The following CA10 variants were observed in gnomAD, a reference collection of about 807,000 sequenced individuals.
CA10 encodes carbonic anhydrase 10 (inactive).
Under a neutral mutation model 44.2 loss-of-function variants are expected in CA10, and 14 were observed. The ratio of observed to expected loss-of-function variants is 0.32; its 90% CI spans 0.21 to 0.50. The LOEUF (loss-of-function observed/expected upper bound fraction) is 0.50, where lower values mean the gene tolerates loss of function less well. Among genes scored for constraint, CA10 ranks in the 20% least tolerant of loss-of-function variants. The pLI is 0.99. For synonymous variants in CA10, 159 were observed against 141.6 expected, an observed-to-expected ratio of 1.12 and a Z score of -0.87; for missense variants, 350 against 409.7, an observed-to-expected ratio of 0.85 and a Z score of 1.26.
chr17:51,957,199 G>A (rs1269592971), intron 2 of CA10, among the ~76,000 whole-genome samples: 4 of 152,072 alleles, frequency 2.6e-5, no homozygotes, highest in African/African-American at 7.2e-5. Flanking sequence ...ATTTCGTAAC[G>A]ATTTTATACA....
chr17:51,685,207 C>G (rs969173275), intron 4 of CA10, among the ~76,000 whole-genome samples: 2 of 152,096 alleles, frequency 1.3e-5, no homozygotes, highest in Non-Finnish European at 2.9e-5. Flanking sequence ...CTGCTGTGAA[C>G]GGTTTATTAT....
In CA10 at chr17:51,747,686, C is replaced by T. The variant is rs765029678; in HGVS notation, c.412G>A (p.Glu138Lys). 1.9e-6 allele frequency: 3 copies of T among 1,614,186 alleles called. No individual in the cohort carries two copies. Among genetic ancestry groups the T allele is most frequent in the African/African-American group, 1.3e-5 (1 of 75,076 alleles). ...AGGTGCTCCGACCCTTGGCTGTCCT[C>T]ACTCCCAAAGTGTAGTCGGATCTCC... ...LEEIRLHFGS[E>K]DSQGSEHLLN... Residue 138 changes from glutamate to lysine, a missense_variant, in exon 4 of 9, where the codon GAG becomes AAG. Coordinates refer to ENST00000451037, the MANE Select transcript of CA10 (RefSeq NM_020178.5).
chr17:51,656,799 TAA>T (rs1444208184), intron 4 of CA10, among the ~76,000 whole-genome samples: 1 of 152,168 alleles, frequency 6.6e-6, no homozygotes, highest in East Asian at 1.9e-4. Flanking sequence ...GGATGCACGC[TAA>T]AGTTTCAGAA....
At chr17:52,132,014 G>C (rs1989252668) in intron 1 of CA10, among the ~76,000 whole-genome samples, 1 of 151,686 alleles carries the variant, frequency 6.6e-6, no homozygotes, top group South Asian at 2.1e-4. Context: ...CTGTTGTGGG[G>C]TGGGGGAAAG....
intron 1 of CA10, among the ~76,000 whole-genome samples, chr17:52,110,524 G>T (rs1988767081): frequency 6.6e-6 from 1 of 152,182 alleles, no homozygotes; most frequent in Non-Finnish European, 1.5e-5. Context: ...ATCCTAGGTT[G>T]GGCTCTCTAG....
At chr17:52,124,861 G>A (rs1989086360) in intron 1 of CA10, among the ~76,000 whole-genome samples, 2 of 152,180 alleles carry the variant, frequency 1.3e-5, no homozygotes, top group African/African-American at 4.8e-5. Flanking sequence ...TGTTACTTCA[G>A]CAGCTTCCAC....
intron 4 of CA10, among the ~76,000 whole-genome samples, chr17:51,731,653 TAAA>T (rs371165542): frequency 2.7e-5 from 3 of 109,168 alleles, no homozygotes; most frequent in Admixed American, 1.1e-4. Flanking sequence ...AAGGGGCTGG[TAAA>T]AAAAAAAAAA....
intron 2 of CA10, among the ~76,000 whole-genome samples, chr17:52,049,676 G>A (rs948955648): frequency 2.6e-5 from 4 of 152,012 alleles, no homozygotes; most frequent in African/African-American, 9.7e-5. Context: ...TCATTTGTAT[G>A]TTGGCAGGAG....
chr17:51,932,922 C>G (rs1342702410), intron 2 of CA10, among the ~76,000 whole-genome samples: 2 of 151,910 alleles, frequency 1.3e-5, no homozygotes, highest in Non-Finnish European at 2.9e-5. Context: ...AAAAAAAACA[C>G]TGACTTGATC....
At chr17:52,071,088 C>G (rs1375895251) in intron 2 of CA10, among the ~76,000 whole-genome samples, 3 of 152,108 alleles carry the variant, frequency 2.0e-5, no homozygotes, top group Non-Finnish European at 2.9e-5. Context: ...GTATTGAATG[C>G]CATTTGTCAA....
chr17:51,965,572 G>A (rs1169045067), intron 2 of CA10, among the ~76,000 whole-genome samples: 1 of 151,894 alleles, frequency 6.6e-6, no homozygotes, highest in Non-Finnish European at 1.5e-5. Context: ...ATCAATACAT[G>A]TAATTCACCA....
At chr17:51,726,691 C>A (rs779520003) in intron 4 of CA10, among the ~76,000 whole-genome samples, 10 of 152,178 alleles carry the variant, frequency 6.6e-5, no homozygotes, top group Non-Finnish European at 1.5e-4. Flanking sequence ...TTCCCCTTAA[C>A]TATACTGGTA....
chr17:51,708,570 T>C (rs1915831620), intron 4 of CA10, among the ~76,000 whole-genome samples: 1 of 152,120 alleles, frequency 6.6e-6, no homozygotes, highest in Non-Finnish European at 1.5e-5. Flanking sequence ...TAATGTTGAG[T>C]GTCAACTTGA....
chr17:51,718,329 C>T (rs1470120192), intron 4 of CA10, among the ~76,000 whole-genome samples: 1 of 152,076 alleles, frequency 6.6e-6, no homozygotes, highest in African/African-American at 2.4e-5. Context: ...TTCAGCTCCA[C>T]CTCAACCTCC....
chr17:51,673,745 C>T (rs933659400), intron 4 of CA10, among the ~76,000 whole-genome samples: 2 of 152,220 alleles, frequency 1.3e-5, no homozygotes, highest in East Asian at 1.9e-4. Flanking sequence ...TAGGTCTAAA[C>T]ATTTCACTTC....
intron 2 of CA10, among the ~76,000 whole-genome samples, chr17:51,943,050 G>A (rs148209750): frequency 6.6e-6 from 1 of 152,110 alleles, no homozygotes; most frequent in East Asian, 1.9e-4. Context: ...AGAATGAGTG[G>A]AGAATTATTC....
chr17:51,651,744 A>G (rs1913574999), intron 5 of CA10, among the ~76,000 whole-genome samples: 1 of 152,176 alleles, frequency 6.6e-6, no homozygotes, highest in African/African-American at 2.4e-5. Flanking sequence ...AATGACAGTC[A>G]CTGACTCAAG....
At chr17:51,944,314 A>G (rs751460792) in intron 2 of CA10, among the ~76,000 whole-genome samples, 3 of 152,186 alleles carry the variant, frequency 2.0e-5, no homozygotes, top group Non-Finnish European at 4.4e-5. Context: ...ACATGGGGCC[A>G]TGAAGTTTTA....
chr17:52,156,543 G>A (rs1989807396), intron 1 of CA10, among the ~76,000 whole-genome samples: 2 of 152,186 alleles, frequency 1.3e-5, no homozygotes, highest in Non-Finnish European at 2.9e-5. Flanking sequence ...CAGAGTCCAG[G>A]GTGAGGGCAG....
Sources: allele counts gnomAD v4.1 joint callset (sites outside exome capture counted in the v4.1 genomes callset), GRCh38; gene constraint gnomAD v4.1.1; transcripts MANE v1.5; gene names NCBI Gene and HGNC (gene_info 2026-07-23, HGNC 2026-07-21).